The following GRIA4 variants were observed in gnomAD, a reference collection of about 807,000 sequenced individuals.
GRIA4 encodes glutamate receptor 4.
A neutral mutation model predicts 104.0 loss-of-function variants in GRIA4; 34 were observed. That is an observed-to-expected ratio of 0.33 (90% confidence interval 0.25 to 0.44). The LOEUF (loss-of-function observed/expected upper bound fraction) is 0.44. Among genes scored for constraint, GRIA4 ranks in the 20% least tolerant of loss-of-function variants. The pLI, the probability that GRIA4 is intolerant of heterozygous loss-of-function variation, is 1.00. For synonymous variants in GRIA4, 386 were observed against 381.9 expected (o/e 1.01, Z -0.13); for missense variants, 750 against 1,096.5 (o/e 0.68, Z 4.46).
chr11:105,886,514 T>A (rs1359195445), intron 5 of GRIA4, among the ~76,000 whole-genome samples: 1 of 141,518 alleles, frequency 7.1e-6, no homozygotes, highest in African/African-American at 2.5e-5. Context: ...TCCCTGCCTC[T>A]GATAACCATT....
intron 14 of GRIA4, among the ~76,000 whole-genome samples, chr11:105,960,709 G>C (rs1591489404): frequency 6.6e-6 from 1 of 152,264 alleles, no homozygotes; most frequent in Admixed American, 6.5e-5. Flanking sequence ...CTGAGAGGCT[G>C]TAAGAATCTG....
intron 4 of GRIA4, among the ~76,000 whole-genome samples, chr11:105,799,477 A>G (rs1031658164): frequency 6.6e-6 from 1 of 152,142 alleles, no homozygotes; most frequent in Admixed American, 6.6e-5. Flanking sequence ...GCAATAATCA[A>G]CAAAGAAGAT....
chr11:105,857,404 A>T (rs1565292486), intron 4 of GRIA4, among the ~76,000 whole-genome samples: 1 of 152,144 alleles, frequency 6.6e-6, no homozygotes. Context: ...TACAAGATTT[A>T]TGAGGGAGGC....
chr11:105,747,618 GA>G (rs1939737847), intron 3 of GRIA4, among the ~76,000 whole-genome samples: 1 of 152,100 alleles, frequency 6.6e-6, no homozygotes, highest in Non-Finnish European at 1.5e-5. Context: ...AATAAATATA[GA>G]ATATAGAAAA....
rs191931669 is a variant in GRIA4, at chr11:105,850,179, C to G, written c.488-11845C>G. Among the ~76,000 whole-genome samples, 3 of 152,306 alleles carry G rather than the reference C, an allele frequency of 2.0e-5. No individual in the cohort carries two copies. The East Asian group carries it at 5.8e-4, about 29-fold the overall frequency. On this transcript the variant is annotated intron_variant, in intron 4 of 16. Coordinates refer to ENST00000282499, the MANE Select transcript of GRIA4 (RefSeq NM_000829.4). ...TTTGATGAAAAATAAATAACTTGAT[C>G]TGACTTCTCCTCTTGATAATACAAA...
At chr11:105,828,237 G>A (rs1440532272) in intron 4 of GRIA4, among the ~76,000 whole-genome samples, 2 of 151,944 alleles carry the variant, frequency 1.3e-5, no homozygotes, top group Non-Finnish European at 2.9e-5. Context: ...CTGAACTAGA[G>A]CCTCTGGGCG....
intron 3 of GRIA4, among the ~76,000 whole-genome samples, chr11:105,630,932 G>C (rs1214100374): frequency 6.6e-6 from 1 of 152,078 alleles, no homozygotes; most frequent in African/African-American, 2.4e-5. Context: ...GTCTCATGTG[G>C]ATAATTTCAC....
chr11:105,679,031 T>C (rs1331361812), intron 3 of GRIA4, among the ~76,000 whole-genome samples: 2 of 151,954 alleles, frequency 1.3e-5, no homozygotes, highest in Non-Finnish European at 2.9e-5. Flanking sequence ...TCTAGAGAAA[T>C]AGAACCAATA....
At chr11:105,807,848 C>T (rs1943013789) in intron 4 of GRIA4, among the ~76,000 whole-genome samples, 1 of 151,796 alleles carries the variant, frequency 6.6e-6, no homozygotes, top group African/African-American at 2.4e-5. Flanking sequence ...ACATTGTCTG[C>T]CCTTTGCTTA....
chr11:105,788,708 T>C (rs1188578405), intron 4 of GRIA4, among the ~76,000 whole-genome samples: 5 of 151,812 alleles, frequency 3.3e-5, no homozygotes, highest in Non-Finnish European at 5.9e-5. Context: ...CACATGAACA[T>C]AAAGATGGAA....
chr11:105,886,947 AT>A (rs765999499), intron 5 of GRIA4, among the ~76,000 whole-genome samples: 141 of 149,488 alleles, frequency 9.4e-4, no homozygotes, highest in African/African-American at 3.0e-3. Flanking sequence ...AAGCTTTTTG[AT>A]TTTTTTTTTC....
chr11:105,625,554 T>C (rs11226809), intron 3 of GRIA4, among the ~76,000 whole-genome samples: 13,473 of 152,152 alleles, frequency 0.089, 755 homozygotes, highest in African/African-American at 0.16. Context: ...CCTGGACTTA[T>C]TGAAATTTTG....
chr11:105,681,158 G>T (rs1405863047), intron 3 of GRIA4, among the ~76,000 whole-genome samples: 5 of 152,182 alleles, frequency 3.3e-5, no homozygotes, highest in African/African-American at 1.2e-4. Flanking sequence ...CATTTGACTT[G>T]ATAATAAGTA....
Position 105,979,943 on chromosome 11 carries a change from C to A in GRIA4, c.*204C>A. The A allele has an allele frequency of 2.9e-5, 13 of 441,794 alleles. No homozygotes were observed. Among genetic ancestry groups the A allele is most frequent in the East Asian group, 6.8e-5 (2 of 29,242 alleles). 27.4% of individuals were successfully genotyped at this position (441,794 alleles called of 1,614,324 possible). A position where few individuals can be genotyped will look rare whatever the true frequency, so the allele number is the denominator to read the frequency against. On this transcript the variant is annotated 3_prime_UTR_variant, in exon 17 of 17. Coordinates refer to ENST00000282499, the MANE Select transcript of GRIA4 (RefSeq NM_000829.4). ...GGAAACCCAAACTCAGATTTTATATCAGGAAAACTCACAATTGAGGTTTTT... is the reference window on the plus strand; with the variant it reads ...GGAAACCCAAACTCAGATTTTATATAAGGAAAACTCACAATTGAGGTTTTT...
chr11:105,666,290 A>C (rs1255617275), intron 3 of GRIA4, among the ~76,000 whole-genome samples: 1 of 152,076 alleles, frequency 6.6e-6, no homozygotes, highest in Non-Finnish European at 1.5e-5. Flanking sequence ...TATTTTGAAT[A>C]CTATTATATA....
intron 4 of GRIA4, among the ~76,000 whole-genome samples, chr11:105,781,050 C>T (rs949594607): frequency 6.6e-6 from 1 of 152,166 alleles, no homozygotes; most frequent in Non-Finnish European, 1.5e-5. Context: ...CAGTGAAGGA[C>T]AAAATAATGA....
At chr11:105,886,311 C>T (rs1946256018) in intron 5 of GRIA4, among the ~76,000 whole-genome samples, 1 of 152,092 alleles carries the variant, frequency 6.6e-6, no homozygotes, top group African/African-American at 2.4e-5. Flanking sequence ...TATCCACCCC[C>T]TCAAGCATTT....
chr11:105,824,671 T>A (rs745853444), intron 4 of GRIA4: 10 of 152,146 alleles, frequency 6.6e-5, no homozygotes, highest in Non-Finnish European at 1.3e-4. Context: ...CAGTGAGGTT[T>A]ATCTGAAGCA....
intron 3 of GRIA4, among the ~76,000 whole-genome samples, chr11:105,628,369 C>T (rs571615828): frequency 6.6e-6 from 1 of 152,258 alleles, no homozygotes; most frequent in East Asian, 1.9e-4. Flanking sequence ...TATATACATG[C>T]TGATACGGTT....
Sources: allele counts gnomAD v4.1 joint callset (sites outside exome capture counted in the v4.1 genomes callset), GRCh38; gene constraint gnomAD v4.1.1; transcripts MANE v1.5; gene names NCBI Gene and HGNC (gene_info 2026-07-23, HGNC 2026-07-21).